GALNT17: variants seen among roughly 807,000 people sequenced by gnomAD.
The protein encoded by GALNT17 is UDP-GalNAc:polypeptide N-acetylgalactosaminyltransferase-like 3.
In GALNT17, 29 loss-of-function variants were observed where a neutral mutation model predicts 63.7. The observed-to-expected ratio is 0.46, with a 90% CI of 0.34 to 0.62. The LOEUF (loss-of-function observed/expected upper bound fraction) is 0.62, where lower values mean the gene tolerates loss of function less well. GALNT17 is among the 20% of genes least tolerant of loss of function. GALNT17 has a pLI of 0.01. For synonymous variants in GALNT17, 305 were observed against 318.3 expected (o/e 0.96, Z 0.45); for missense variants, 603 against 799.6 (o/e 0.75, Z 2.97).
intron 1 of GALNT17, among the ~76,000 whole-genome samples, chr7:71,222,296 A>G (rs111806501): frequency 4.6e-5 from 7 of 152,154 alleles, no homozygotes; most frequent in Admixed American, 1.3e-4. Flanking sequence ...GTTCATTGTT[A>G]GGGTTCCTTA....
At position 71,183,890 on chromosome 7, in the gene GALNT17, CA is replaced by C. The variant is rs879350868; in HGVS notation, c.238+50862del. Among the ~76,000 whole-genome samples, 559 of 143,240 alleles carry C rather than the reference CA, an allele frequency of 3.9e-3. 3 individuals are homozygous for C. Among genetic ancestry groups the C allele is most frequent in the African/African-American group, 0.012 (469 of 39,434 alleles). The allele number at this position is 143,240 out of a possible 152,430, so 94.0% of individuals were successfully genotyped here. A position where few individuals can be genotyped will look rare whatever the true frequency, so the allele number is the denominator to read the frequency against. ...GGGCAACAAGAGCAAGACTCCATCTCAAAAAAAAAAAATCAACACACAAAGC... is the reference window on the plus strand; with the variant it reads ...GGGCAACAAGAGCAAGACTCCATCTCAAAAAAAAAAATCAACACACAAAGC... On this transcript the variant is annotated intron_variant, in intron 1 of 10. Coordinates refer to ENST00000333538, the MANE Select transcript of GALNT17 (RefSeq NM_022479.3).
At chr7:71,483,527 G>A (rs1228847785) in intron 5 of GALNT17, among the ~76,000 whole-genome samples, 1 of 151,914 alleles carries the variant, frequency 6.6e-6, no homozygotes, top group East Asian at 1.9e-4. Flanking sequence ...GCACACTACT[G>A]GAGGTAGACT....
intron 3 of GALNT17, among the ~76,000 whole-genome samples, chr7:71,405,678 T>A (rs1388861131): frequency 6.6e-6 from 1 of 152,180 alleles, no homozygotes; most frequent in Non-Finnish European, 1.5e-5. Context: ...GGCCTAGTCC[T>A]CATAGATGTC....
chr7:71,173,070 T>C (rs1788573798), intron 1 of GALNT17, among the ~76,000 whole-genome samples: 1 of 152,196 alleles, frequency 6.6e-6, no homozygotes, highest in African/African-American at 2.4e-5. Flanking sequence ...GTAGAAGTCT[T>C]TTCTGGCTGT....
intron 5 of GALNT17, among the ~76,000 whole-genome samples, chr7:71,529,824 T>C (rs931890998): frequency 1.3e-5 from 2 of 152,242 alleles, no homozygotes; most frequent in Non-Finnish European, 1.5e-5. Context: ...ATTTTAGTTA[T>C]GTTTACTTCA....
chr7:71,165,816 T>C (rs1183827174), intron 1 of GALNT17, among the ~76,000 whole-genome samples: 1 of 152,066 alleles, frequency 6.6e-6, no homozygotes, highest in African/African-American at 2.4e-5. Context: ...ACTTTAGGAG[T>C]TCAGGTCAAG....
At chr7:71,693,371 G>A (rs1473422086) in intron 9 of GALNT17, among the ~76,000 whole-genome samples, 1 of 149,844 alleles carries the variant, frequency 6.7e-6, no homozygotes, top group Non-Finnish European at 1.5e-5. Flanking sequence ...TGGATCCTGG[G>A]AAGAAAATCC....
At chr7:71,318,827 T>C (rs1326118357) in intron 1 of GALNT17, among the ~76,000 whole-genome samples, 5 of 152,154 alleles carry the variant, frequency 3.3e-5, no homozygotes, top group Non-Finnish European at 7.3e-5. Flanking sequence ...CCTAAAGGCT[T>C]CCAGATCTTC....
chr7:71,144,383 C>T (rs980268626), intron 1 of GALNT17, among the ~76,000 whole-genome samples: 3 of 151,998 alleles, frequency 2.0e-5, no homozygotes, highest in Non-Finnish European at 2.9e-5. Flanking sequence ...TTAGCTGGGC[C>T]CTCAGCATGT....
chr7:71,422,950 A>T (rs1028199405), intron 5 of GALNT17, among the ~76,000 whole-genome samples: 5 of 152,150 alleles, frequency 3.3e-5, no homozygotes, highest in Admixed American at 2.0e-4. Flanking sequence ...GTTGGGTTGC[A>T]CAGCAGCCAG....
intron 6 of GALNT17, among the ~76,000 whole-genome samples, chr7:71,631,344 T>G (rs915948369): frequency 6.6e-6 from 1 of 152,020 alleles, no homozygotes; most frequent in Non-Finnish European, 1.5e-5. Context: ...TGGACATGCA[T>G]GACCACACCC....
chr7:71,172,373 C>T (rs1788561353), intron 1 of GALNT17, among the ~76,000 whole-genome samples: 2 of 151,268 alleles, frequency 1.3e-5, no homozygotes, highest in Admixed American at 6.6e-5. Flanking sequence ...AGGAGGATTG[C>T]TTGAGCCCAG....
chr7:71,691,887 T>C (rs113303368), intron 9 of GALNT17, among the ~76,000 whole-genome samples: 2 of 149,854 alleles, frequency 1.3e-5, no homozygotes, highest in Non-Finnish European at 1.5e-5. Context: ...TTCCTTCCTT[T>C]CTTCCTTCCT....
intron 6 of GALNT17, among the ~76,000 whole-genome samples, chr7:71,610,237 T>C (rs1790105926): frequency 6.6e-6 from 1 of 152,174 alleles, no homozygotes; most frequent in Non-Finnish European, 1.5e-5. Context: ...ACACCTGTAA[T>C]CCCAGAACTT....
intron 1 of GALNT17, among the ~76,000 whole-genome samples, chr7:71,307,401 T>C (rs1791325156): frequency 6.6e-6 from 1 of 152,000 alleles, no homozygotes; most frequent in African/African-American, 2.4e-5. Context: ...CTGCTGGGTA[T>C]ATGTTATTAC....
chr7:71,597,498 T>C (rs1789904121), intron 6 of GALNT17, among the ~76,000 whole-genome samples: 1 of 145,642 alleles, frequency 6.9e-6, no homozygotes, highest in Non-Finnish European at 1.5e-5. Context: ...ATGGAGTGAA[T>C]CCCCAACCTT....
rs796909099 is a variant in GALNT17 at position 71,463,041 on chromosome 7, A to G, written c.962+41936A>G. ...AGGAAACCTCAAATCCATCGCCTCA[A>G]GGAATTGGTGGTTAGGGGTTTTGAG... On this transcript the variant is annotated intron_variant, in intron 5 of 10. Coordinates refer to ENST00000333538, the MANE Select transcript of GALNT17 (RefSeq NM_022479.3). Among the ~76,000 whole-genome samples, 37 of 152,280 alleles carry G rather than the reference A, an allele frequency of 2.4e-4. 1 individual carries two copies. Among genetic ancestry groups the G allele is most frequent in the African/African-American group, 8.4e-4 (35 of 41,564 alleles).
intron 1 of GALNT17, among the ~76,000 whole-genome samples, chr7:71,174,870 C>A (rs147153430): frequency 0.012 from 1,766 of 152,246 alleles, 62 homozygotes; most frequent in Admixed American, 0.071. Flanking sequence ...GGCTCAGAGG[C>A]CTGACATTGT....
chr7:71,419,868 A>G (rs1786627669), intron 4 of GALNT17, among the ~76,000 whole-genome samples: 2 of 152,216 alleles, frequency 1.3e-5, no homozygotes, highest in African/African-American at 4.8e-5. Context: ...GAAGTATTGG[A>G]AGCAGGTAAT....
Sources: allele counts gnomAD v4.1 joint callset (sites outside exome capture counted in the v4.1 genomes callset), GRCh38; gene constraint gnomAD v4.1.1; transcripts MANE v1.5; gene names NCBI Gene and HGNC (gene_info 2026-07-23, HGNC 2026-07-21).